USP42: variants seen among roughly 807,000 people sequenced by gnomAD.
USP42 encodes the protein ubiquitin carboxyl-terminal hydrolase 42.
USP42 carries 23 observed loss-of-function variants against 113.0 expected under a neutral mutation model. The ratio of observed to expected loss-of-function variants is 0.20; its 90% CI spans 0.15 to 0.29. The LOEUF (loss-of-function observed/expected upper bound fraction) is 0.29. Ranked by LOEUF, USP42 falls within the 10% of genes least tolerant of loss-of-function variation. USP42 has a pLI of 1.00. For synonymous variants in USP42, 933 were observed against 699.0 expected (o/e 1.33, Z -5.28); for missense variants, 2,174 against 1,779.8 (o/e 1.22, Z -3.99).
intron 1 of USP42, among the ~76,000 whole-genome samples, chr7:6,106,520 C>T (rs1037311382): frequency 6.6e-6 from 1 of 152,132 alleles, no homozygotes; most frequent in Admixed American, 6.6e-5. Context: ...GCAAAGGAAA[C>T]ACTTGTGAAG....
intron 2 of USP42, among the ~76,000 whole-genome samples, chr7:6,114,792 G>A (rs1207210812): frequency 2.1e-5 from 3 of 143,284 alleles, no homozygotes; most frequent in Non-Finnish European, 3.0e-5. Context: ...CCGGGTTCAC[G>A]CCATTCTCCT....
intron 3 of USP42, chr7:6,128,060 C>CCTCAT (rs1562821593): frequency 6.6e-6 from 1 of 152,104 alleles, no homozygotes; most frequent in African/African-American, 2.4e-5. Context: ...TATCCTCCTG[C>CCTCAT]CTCAGCCTTC....
intron 3 of USP42, among the ~76,000 whole-genome samples, chr7:6,118,559 C>T (rs1583594414): frequency 6.6e-6 from 1 of 151,968 alleles, no homozygotes; most frequent in African/African-American, 2.4e-5. Flanking sequence ...AAAACTTTGC[C>T]TACCTACAGG....
At chr7:6,151,863 G>A (rs930680787) in intron 14 of USP42, among the ~76,000 whole-genome samples, 1 of 152,154 alleles carries the variant, frequency 6.6e-6, no homozygotes, top group Non-Finnish European at 1.5e-5. Context: ...CGAGGCACGC[G>A]TTGCCCTTGG....
chr7:6,137,013 T>C (rs1445366590), intron 4 of USP42, among the ~76,000 whole-genome samples: 2 of 152,188 alleles, frequency 1.3e-5, no homozygotes, highest in African/African-American at 2.4e-5. Flanking sequence ...TTCTATTTAA[T>C]TTTTGAATTT....
the USP42 span, among the ~76,000 whole-genome samples, chr7:6,099,302 C>T: frequency 6.3e-3 from 896 of 141,426 alleles, 42 homozygotes; most frequent in Non-Finnish European, 5.7e-3. Context: ...GCAACCTAGG[C>T]CTCCCAGGTT....
chr7:6,098,538 A>G, the USP42 span, among the ~76,000 whole-genome samples: 1 of 149,748 alleles, frequency 6.7e-6, no homozygotes, highest in Non-Finnish European at 1.5e-5. Flanking sequence ...GAAAGAATGC[A>G]TTGTTTTCTT....
rs565166844 is a variant in USP42, at chr7:6,136,572, G to A, written c.553+621G>A. 3.9e-5 allele frequency among the ~76,000 whole-genome samples: 6 copies of A among 152,182 alleles called. No individual in the cohort carries two copies. The South Asian group carries it at 1.2e-3, about 32-fold the overall frequency. ...TTATAGTGTCTTTGCTCTGAAACTTGGATTTCTATGCTGAGTAATACTAAT... is the reference window on the plus strand; with the variant it reads ...TTATAGTGTCTTTGCTCTGAAACTTAGATTTCTATGCTGAGTAATACTAAT... On this transcript the variant is annotated intron_variant, in intron 4 of 17. Transcript: ENST00000306177.
intron 3 of USP42, among the ~76,000 whole-genome samples, chr7:6,123,446 G>A (rs960374242): frequency 9.2e-5 from 14 of 152,082 alleles, no homozygotes; most frequent in Non-Finnish European, 2.1e-4. Context: ...AGCAGATCAC[G>A]AGCTCAGGAG....
chr7:6,109,252 AAAAC>A (rs1212755276), intron 1 of USP42, among the ~76,000 whole-genome samples: 1 of 152,202 alleles, frequency 6.6e-6, no homozygotes, highest in East Asian at 1.9e-4. Flanking sequence ...AAAAGAAAAA[AAAAC>A]AAGACTTCAG....
At chr7:6,145,323 G>A (rs1202022244) in intron 9 of USP42, among the ~76,000 whole-genome samples, 193 bp from the exon 10 acceptor site, 5 of 141,856 alleles carry the variant, frequency 3.5e-5, no homozygotes, top group South Asian at 2.2e-4. Flanking sequence ...AGAGTGGCAC[G>A]CCATCTCAAA....
chr7:6,113,896 C>A (rs990389171), intron 2 of USP42, among the ~76,000 whole-genome samples: 1 of 149,700 alleles, frequency 6.7e-6, no homozygotes, highest in Admixed American at 6.7e-5. Flanking sequence ...GCTGGGATTA[C>A]AGGCATGAGC....
chr7:6,099,637 C>T, the USP42 span, among the ~76,000 whole-genome samples: 5 of 150,534 alleles, frequency 3.3e-5, no homozygotes, highest in South Asian at 4.2e-4. Context: ...TGTGAGCCAC[C>T]GCACCTGCCC....
rs753708877 is a variant in USP42, at chr7:6,135,723, G to C, written c.443-118G>C. 1.0e-4 allele frequency: 41 copies of C among 407,520 alleles called. 1 individual carries two copies. The Middle Eastern group carries it at 0.013, about 128-fold the overall frequency. The allele number at this position is 407,520 out of a possible 1,614,324, so 25.2% of individuals were successfully genotyped here. A position where few individuals can be genotyped will look rare whatever the true frequency, so the allele number is the denominator to read the frequency against. ...AAATGCATAAAAGTAGATAGCTCAA[G>C]GCATGCATATAGCAGCTATTATTTC... On this transcript the variant is annotated intron_variant, in intron 3 of 17. Transcript: ENST00000306177.
At chr7:6,160,209 G>T (rs1025489497) in intron 17 of USP42, among the ~76,000 whole-genome samples, 1 of 152,242 alleles carries the variant, frequency 6.6e-6, no homozygotes, top group African/African-American at 2.4e-5. Context: ...TGAAGAGTCT[G>T]TGGATTAATT....
chr7:6,146,901 C>T (rs569725760), intron 11 of USP42, among the ~76,000 whole-genome samples: 6 of 152,264 alleles, frequency 3.9e-5, no homozygotes, highest in African/African-American at 4.8e-5. Context: ...GAGCACCTGG[C>T]GTGGTCACAG....
chr7:6,145,774 A>G, intron 10 of USP42, 118 bp downstream of exon 10: 3 of 1,200,288 alleles, frequency 2.5e-6, no homozygotes, highest in Non-Finnish European at 3.5e-6. Context: ...ACCCGAGGTA[A>G]AAATATTTCT....
At position 6,158,097 on chromosome 7, in the gene USP42, C is replaced by T. The variant is rs9791591; in HGVS notation, c.3943+1042C>T. 0.035 allele frequency among the ~76,000 whole-genome samples: 5,330 copies of T among 152,292 alleles called. 459 individuals carry two copies. In the East Asian group the frequency reaches 0.38, roughly 11 times the overall value. ...ACTTGGAGTTAAGAATGGTTTTAAC[C>T]TTTTTAAGTGGTTGGAAATAATCCC... is the stretch of plus-strand genomic sequence containing the variant. On this transcript the variant is annotated intron_variant, in intron 16 of 17. Coordinates refer to ENST00000306177, the MANE Select transcript of USP42 (RefSeq NM_032172.3). The surrounding 1 kb of genome is among the most constrained non-coding windows in gnomAD (Gnocchi z 4.2).
At chr7:6,110,421 G>T (rs1489254485) in intron 1 of USP42, among the ~76,000 whole-genome samples, 1 of 152,122 alleles carries the variant, frequency 6.6e-6, no homozygotes, top group Admixed American at 6.6e-5. Context: ...ATTAGTGGTA[G>T]CCCTAATATT....
Sources: gnomAD v4.1 joint callset for allele counts (sites outside exome capture counted in the v4.1 genomes callset) on GRCh38, gnomAD v4.1.1 for gene constraint, Gnocchi (gnomAD v3.1) non-coding constraint, MANE v1.5 for transcripts, NCBI Gene and HGNC (gene_info 2026-07-23, HGNC 2026-07-21) for gene names.